The following MFSD2B variants were observed in gnomAD, a reference collection of about 807,000 sequenced individuals.
MFSD2B encodes sphingosine-1-phosphate transporter MFSD2B.
MFSD2B carries 56 observed loss-of-function variants against 58.4 expected under a neutral mutation model. That is an observed-to-expected ratio of 0.96 (90% CI 0.77 to 1.20). The LOEUF (loss-of-function observed/expected upper bound fraction) is 1.20. MFSD2B is among the 50% of genes most tolerant of loss of function. The pLI is 0.00. For synonymous variants in MFSD2B, 287 were observed against 294.4 expected (o/e 0.97, Z 0.26); for missense variants, 645 against 667.6 (o/e 0.97, Z 0.37).
In MFSD2B at chr2:24,025,587, C is replaced by T. The variant is rs555917472; in HGVS notation, c.*131C>T. On this transcript the variant is annotated 3_prime_UTR_variant, in exon 14 of 14. Transcript: ENST00000338315. ...CTTTCTCCCTGGGATGTGGAGTCTT[C>T]GGCAACGTGTCCTGAAGGGACTGGC... The T allele has an allele frequency of 1.6e-5, 13 of 825,118 alleles. No homozygotes were observed. The highest frequency in any genetic ancestry group is 1.2e-4 in the South Asian group (8 of 65,552). The allele number at this position is 825,118 out of a possible 1,614,324, so 51.1% of individuals were successfully genotyped here. A position where few individuals can be genotyped will look rare whatever the true frequency, so the allele number is the denominator to read the frequency against.
chr2:24,019,130 C>T (rs979252417), intron 6 of MFSD2B, among the ~76,000 whole-genome samples: 1 of 152,218 alleles, frequency 6.6e-6, no homozygotes, highest in South Asian at 2.1e-4. Context: ...GGATTACAGG[C>T]GTGAGCCACC....
At position 24,010,147 on chromosome 2, in the gene MFSD2B, G is replaced by T; in HGVS notation, c.51G>T (p.Pro17=). 6.8e-7 allele frequency: 1 copy of T among 1,462,770 alleles called. No individual in the cohort carries two copies. Among genetic ancestry groups the T allele is most frequent in the East Asian group, 3.0e-5 (1 of 33,706 alleles). The allele number at this position is 1,462,770 out of a possible 1,614,324, so 90.6% of individuals were successfully genotyped here. ...PAAKGSPQPE[P]HAPEPGPGSA... is the part of the protein sequence containing the mutation. ...CCAAGGGGTCCCCGCAGCCGGAGCC[G>T]CACGCCCCAGAGCCCGGCCCGGGGA... The change falls in exon 1 of 14, where the codon CCG becomes CCT. Residue 17 remains proline, a synonymous_variant. Transcript: ENST00000338315.
At position 24,024,960 on chromosome 2, in the gene MFSD2B, T is replaced by C. The variant is rs1448241150; in HGVS notation, c.1491-472T>C. ...ACCTTGAAGGCTGAGGCTGGCTGTT[T>C]TATTCCTTTTTGTATCCCAAGAGCC... On this transcript the variant is annotated intron_variant, in intron 13 of 13. Coordinates refer to ENST00000338315, the MANE Select transcript of MFSD2B (RefSeq NM_001346880.2). This position sits in a 1 kb window ranked among gnomAD's most constrained non-coding sequence, Gnocchi z 4.3. 6.6e-6 allele frequency among the ~76,000 whole-genome samples: 1 copy of C among 152,124 alleles called. No individual in the cohort carries two copies. Among genetic ancestry groups the C allele is most frequent in the African/African-American group, 2.4e-5 (1 of 41,424 alleles).
chr2:24,013,993 C>A lies in MFSD2B; in HGVS notation c.222+583C>A, dbSNP rs1182194883. On this transcript the variant is annotated intron_variant, in intron 2 of 13. Coordinates refer to ENST00000338315, the MANE Select transcript of MFSD2B (RefSeq NM_001346880.2). ...AGTAGCTGGGATCACAGGTGCACAC[C>A]ACCACACTCGGCTAATTTGTTGTTT... Among the ~76,000 whole-genome samples, 4 of 150,862 alleles carry A rather than the reference C, an allele frequency of 2.7e-5. No individual in the cohort carries two copies. In the East Asian group the frequency reaches 7.8e-4, roughly 29 times the overall value.
At position 24,025,784 on chromosome 2, in the gene MFSD2B, G is replaced by A. The variant is rs1456127040; in HGVS notation, c.*328G>A. On this transcript the variant is annotated 3_prime_UTR_variant, in exon 14 of 14. Coordinates refer to ENST00000338315, the MANE Select transcript of MFSD2B (RefSeq NM_001346880.2). ...TGGCCTACCACCCATTCAAGAAAAC[G>A]TTACAGCCGGCTCACTGCAAAATCC... 4 of 283,682 alleles carry A rather than the reference G, an allele frequency of 1.4e-5. No individual in the cohort carries two copies. The highest frequency in any genetic ancestry group is 1.1e-4 in the South Asian group (1 of 9,372). 17.6% of individuals were successfully genotyped at this position (283,682 alleles called of 1,614,324 possible).
At position 24,017,413 on chromosome 2, in the gene MFSD2B, G is replaced by T; in HGVS notation, c.551-45G>T. On this transcript the variant is annotated intron_variant, in intron 5 of 13. Coordinates refer to ENST00000338315, the MANE Select transcript of MFSD2B (RefSeq NM_001346880.2). The surrounding 1 kb of genome is among the most constrained non-coding windows in gnomAD (Gnocchi z 4.8). ...GTTCCAGGGAGGCAACTGCCCCTGG[G>T]ACCCCACTCCCTCTCAGTCACCTTA... The T allele has an allele frequency of 6.3e-7, 1 of 1,596,892 alleles. No individual in the cohort carries two copies. The highest frequency in any genetic ancestry group is 8.5e-7 in the Non-Finnish European group (1 of 1,172,088).
rs544951220 is a variant in MFSD2B at position 24,021,471 on chromosome 2, C to T, written c.682-177C>T. Among the ~76,000 whole-genome samples, 2 of 152,270 alleles carry T rather than the reference C, an allele frequency of 1.3e-5. No individual in the cohort carries two copies. Among genetic ancestry groups the T allele is most frequent in the African/African-American group, 4.8e-5 (2 of 41,538 alleles). On this transcript the variant is annotated intron_variant, in intron 6 of 13. Coordinates refer to ENST00000338315, the MANE Select transcript of MFSD2B (RefSeq NM_001346880.2). The surrounding 1 kb of genome is among the most constrained non-coding windows in gnomAD (Gnocchi z 5.7). The stretch of plus-strand genomic sequence containing the variant: ...AGAGGGGGTGTGTGGAAGGACCAGC[C>T]CGGGCCCGGAGAGCATGCTGTCCTG...
rs1353045320 is a variant in MFSD2B, at chr2:24,012,653, A to G, written c.97-632A>G. On this transcript the variant is annotated intron_variant, in intron 1 of 13. Coordinates refer to ENST00000338315, the MANE Select transcript of MFSD2B (RefSeq NM_001346880.2). This position sits in a 1 kb window ranked among gnomAD's most constrained non-coding sequence, Gnocchi z 4.5. ...TGATAGACAAGAACTGGAAAGAAGA[A>G]TAGATGACTCCTAAGTTTGTGGCCT... 6.6e-6 allele frequency among the ~76,000 whole-genome samples: 1 copy of G among 152,232 alleles called. No individual in the cohort carries two copies. Among genetic ancestry groups the G allele is most frequent in the African/African-American group, 2.4e-5 (1 of 41,458 alleles).
chr2:24,010,163 G>C lies in MFSD2B; in HGVS notation c.67G>C (p.Gly23Arg). 6.9e-7 allele frequency: 1 copy of C among 1,449,140 alleles called. No homozygotes were observed. Among genetic ancestry groups the C allele is most frequent in the Non-Finnish European group, 9.0e-7 (1 of 1,105,726 alleles). 89.8% of individuals were successfully genotyped at this position (1,449,140 alleles called of 1,614,324 possible). The change falls in exon 1 of 14, where the codon GGC (glycine) becomes CGC (arginine). Residue 23 changes from glycine to arginine, a missense_variant. Physicochemically the swap from Gly to Arg is moderately radical, Grantham distance 125. Transcript: ENST00000338315. ...PQPEPHAPEPGPGSAKRGRED... is the reference protein window; with the variant it reads ...PQPEPHAPEPRPGSAKRGRED... The stretch of plus-strand genomic sequence containing the variant: ...GCCGGAGCCGCACGCCCCAGAGCCC[G>C]GCCCGGGGAGCGCCAAGCGAGGGCG...
chr2:24,013,249 G>C, intron 1 of MFSD2B, 36 bp from the exon 2 acceptor site: 1 of 1,551,954 alleles, frequency 6.4e-7, no homozygotes, highest in South Asian at 1.2e-5. Flanking sequence ...TTTTGTGTCT[G>C]TTGGGAGAAG....
chr2:24,017,081 T>TGG lies in MFSD2B; in HGVS notation c.471+114_471+115dup. On this transcript the variant is annotated intron_variant, in intron 4 of 13. Coordinates refer to ENST00000338315, the MANE Select transcript of MFSD2B (RefSeq NM_001346880.2). This position sits in a 1 kb window ranked among gnomAD's most constrained non-coding sequence, Gnocchi z 4.8. ...GCCGCCCTCCCCACCCGCCTGTGCC[T>TGG]GGACCATGCCATTGGCACTCGCCAG... is the stretch of plus-strand genomic sequence containing the variant. The TGG allele has an allele frequency of 6.7e-7, 1 of 1,490,478 alleles. No homozygotes were observed. Among genetic ancestry groups the TGG allele is most frequent in the Non-Finnish European group, 9.1e-7 (1 of 1,095,334 alleles). The allele number at this position is 1,490,478 out of a possible 1,614,324, so 92.3% of individuals were successfully genotyped here. A position where few individuals can be genotyped will look rare whatever the true frequency, so the allele number is the denominator to read the frequency against.
chr2:24,016,359 T>C, intron 3 of MFSD2B, 79 bp downstream of exon 3: 1 of 1,482,788 alleles, frequency 6.7e-7, no homozygotes, highest in Non-Finnish European at 9.1e-7. Context: ...CCCTATTTCC[T>C]AGCAGAAACC....
chr2:24,022,118 C>T lies in MFSD2B; in HGVS notation c.894+148C>T, dbSNP rs996937188. On this transcript the variant is annotated intron_variant, in intron 8 of 13. Transcript: ENST00000338315. This position sits in a 1 kb window ranked among gnomAD's most constrained non-coding sequence, Gnocchi z 4.5. ...GGGGCTGGTGCCGGGAGGGAGATCC[C>T]GGTAGGGCTTGTGGGAATGGAGGGC... 7.1e-6 allele frequency: 7 copies of T among 990,228 alleles called. No homozygotes were observed. Among genetic ancestry groups the T allele is most frequent in the East Asian group, 2.4e-5 (1 of 41,602 alleles). The allele number at this position is 990,228 out of a possible 1,614,324, so 61.3% of individuals were successfully genotyped here. A position where few individuals can be genotyped will look rare whatever the true frequency, so the allele number is the denominator to read the frequency against.
rs781451729 is a variant in MFSD2B at position 24,024,246 on chromosome 2, G to A, written c.1465G>A (p.Ala489Thr). The part of the protein sequence containing the change: ...GSTPKTPSRD[A>T]SSRLSLRRRT... ...CACTCCAAAGACACCCAGTCGGGAC[G>A]CCTCCAGCCGGCTGAGCCTTCGGAG... is the stretch of plus-strand genomic sequence containing the variant. The change falls in exon 13 of 14, where the codon GCC becomes ACC. Residue 489 changes from alanine to threonine, a missense_variant. Coordinates refer to ENST00000338315, the MANE Select transcript of MFSD2B (RefSeq NM_001346880.2). This position sits in a 1 kb window ranked among gnomAD's most constrained non-coding sequence, Gnocchi z 4.3. 33 of 1,609,346 alleles carry A rather than the reference G, an allele frequency of 2.1e-5. No individual in the cohort carries two copies. Among genetic ancestry groups the A allele is most frequent in the Admixed American group, 6.8e-5 (4 of 59,212 alleles).
Position 24,021,806 on chromosome 2 carries a change from T to G in MFSD2B, c.773-43T>G. ...GCTCTGCTTGGGGGCAGGTTTTGCT[T>G]TTGAACTCTGCGAAGCCAAGGTGAC... On this transcript the variant is annotated intron_variant, in intron 7 of 13. Coordinates refer to ENST00000338315, the MANE Select transcript of MFSD2B (RefSeq NM_001346880.2). The surrounding 1 kb of genome is among the most constrained non-coding windows in gnomAD (Gnocchi z 5.7). The G allele has an allele frequency of 1.2e-6, 2 of 1,613,302 alleles. No individual in the cohort carries two copies. The highest frequency in any genetic ancestry group is 2.7e-5 in the African/African-American group (2 of 75,052).
rs1662812220 is a variant in MFSD2B, at chr2:24,022,100, G to A, written c.894+130G>A. 4.5e-6 allele frequency: 5 copies of A among 1,117,892 alleles called. No individual in the cohort carries two copies. The highest frequency in any genetic ancestry group is 6.5e-6 in the Non-Finnish European group (5 of 772,108). 69.2% of individuals were successfully genotyped at this position (1,117,892 alleles called of 1,614,324 possible). ...GCTGGCACATGGCTCAGAGGGGCTG[G>A]TGCCGGGAGGGAGATCCCGGTAGGG... On this transcript the variant is annotated intron_variant, in intron 8 of 13. Coordinates refer to ENST00000338315, the MANE Select transcript of MFSD2B (RefSeq NM_001346880.2). This position sits in a 1 kb window ranked among gnomAD's most constrained non-coding sequence, Gnocchi z 4.5.
intron 1 of MFSD2B, 163 bp from the exon 2 acceptor site, chr2:24,013,122 C>T: frequency 1.1e-5 from 6 of 538,360 alleles, no homozygotes; most frequent in African/African-American, 1.9e-5. Context: ...TTCTCTTCGT[C>T]TCACTTCCTC....
chr2:24,018,838 G>C (rs1272621852), intron 6 of MFSD2B: 1 of 154,502 alleles, frequency 6.5e-6, no homozygotes, highest in South Asian at 2.1e-4. Context: ...CTGCTGTGTT[G>C]GCCTTTTGTG....
chr2:24,013,723 A>C (rs1709037605), intron 2 of MFSD2B, among the ~76,000 whole-genome samples: 1 of 150,420 alleles, frequency 6.6e-6, no homozygotes, highest in East Asian at 1.9e-4. Context: ...GCCCCACACA[A>C]ATTTGTAAAC....
Sources: gnomAD v4.1 joint callset for allele counts (sites outside exome capture counted in the v4.1 genomes callset) on GRCh38, gnomAD v4.1.1 for gene constraint, Gnocchi (gnomAD v3.1) non-coding constraint, MANE v1.5 for transcripts, NCBI Gene and HGNC (gene_info 2026-07-23, HGNC 2026-07-21) for gene names.